GNAS: variants seen among roughly 807,000 people sequenced by gnomAD.
GNAS encodes the protein protein ALEX.
In GNAS, 8 loss-of-function variants were observed where a neutral mutation model predicts 54.5. That is an observed-to-expected ratio of 0.15 (90% CI 0.09 to 0.26). The LOEUF (loss-of-function observed/expected upper bound fraction) is 0.26, where lower values mean the gene tolerates loss of function less well. Ranked by LOEUF, GNAS falls within the 10% of genes least tolerant of loss-of-function variation. The probability of loss-of-function intolerance (pLI) is 1.00; values close to 1 mark genes in which losing one functional copy is unlikely to be tolerated. For missense variants in GNAS, 170 were observed against 529.8 expected, an observed-to-expected ratio of 0.32 and a Z score of 6.67; for synonymous variants, 204 against 191.4, an observed-to-expected ratio of 1.07 and a Z score of -0.54.
At chr20:58,858,306 C>A (rs2086599713) in intron 1 of GNAS, among the ~76,000 whole-genome samples, 1 of 152,050 alleles carries the variant, frequency 6.6e-6, no homozygotes, top group Non-Finnish European at 1.5e-5. Flanking sequence ...TGTTCATGTG[C>A]TTATCCTTTC....
Position 58,853,676 on chromosome 20 carries a change from A to T in GNAS, c.43+12790A>T. ...CAGGCCTTGAGGCCTTCGGCCCAGCACTCATGGAGCCCGGAGCCTTCAGTG... is the reference window on the plus strand; with the variant it reads ...CAGGCCTTGAGGCCTTCGGCCCAGCTCTCATGGAGCCCGGAGCCTTCAGTG... On this transcript the variant is annotated intron_variant, in intron 1 of 12. Transcript: ENST00000306090. The surrounding 1 kb of genome is among the most constrained non-coding windows in gnomAD (Gnocchi z 4.4). 1 of 1,613,636 alleles carries T rather than the reference A, an allele frequency of 6.2e-7. No individual in the cohort carries two copies. Among genetic ancestry groups the T allele is most frequent in the Non-Finnish European group, 8.5e-7 (1 of 1,179,830 alleles).
intron 1 of GNAS, chr20:58,842,249 T>TA (rs1310466287): frequency 1.8e-5 from 7 of 398,262 alleles, no homozygotes; most frequent in Non-Finnish European, 3.1e-5. Context: ...GAAATGTCTT[T>TA]AAAAAATCTC....
chr20:58,885,423 G>A (rs1284707713), intron 1 of GNAS, among the ~76,000 whole-genome samples: 1 of 152,226 alleles, frequency 6.6e-6, no homozygotes, highest in African/African-American at 2.4e-5. Context: ...TTGAATTAGA[G>A]TATGTTCTGA....
At position 58,898,983 on chromosome 20, in the gene GNAS, T is replaced by C; in HGVS notation, c.255T>C (p.Asp85=). Reference sequence around the variant, plus strand: ...CGCAGGCTGCAAGGAGCAACAGCGATGGGTAGGCACATTCAAAACCAGAAA... The same window carrying C: ...CGCAGGCTGCAAGGAGCAACAGCGACGGGTAGGCACATTCAAAACCAGAAA... ...EDPQAARSNS[D]GEKATKVQDI... Residue 85 remains aspartate (D), a splice_region_variant and synonymous_variant, in exon 3 of 13, where the codon GAT becomes GAC. Transcript: ENST00000371085. 1 of 1,612,326 alleles carries C rather than the reference T, an allele frequency of 6.2e-7. No homozygotes were observed. Among genetic ancestry groups the C allele is most frequent in the Non-Finnish European group, 8.5e-7 (1 of 1,178,384 alleles).
chr20:58,898,523 C>T (rs6128458), intron 2 of GNAS: 1 of 201,224 alleles, frequency 5.0e-6, no homozygotes, highest in African/African-American at 2.3e-5. Context: ...GCCTTTATGC[C>T]TTAAGTTACA....
At chr20:58,843,060 T>A (rs1268834461) in intron 1 of GNAS, among the ~76,000 whole-genome samples, 1 of 152,184 alleles carries the variant, frequency 6.6e-6, no homozygotes, top group African/African-American at 2.4e-5. Flanking sequence ...TGTTCACATG[T>A]AGCGAGGAGG....
At chr20:58,844,855 G>T (rs117588164) in intron 1 of GNAS, among the ~76,000 whole-genome samples, 107 of 151,880 alleles carry the variant, frequency 7.0e-4, no homozygotes, top group Middle Eastern at 3.4e-3. Context: ...AACAAAAAAA[G>T]CACCAGCTAG....
chr20:58,886,370 T>G (rs1224436721), upstream of GNAS, among the ~76,000 whole-genome samples: 1 of 152,222 alleles, frequency 6.6e-6, no homozygotes, highest in African/African-American at 2.4e-5. Context: ...GGCTTGGGCA[T>G]GAAGCAAGTC....
At chr20:58,900,265 T>C (rs1292401571) in intron 3 of GNAS, 4 of 473,346 alleles carry the variant, frequency 8.5e-6, no homozygotes, top group Non-Finnish European at 7.6e-6. Flanking sequence ...AAGTCCTTAG[T>C]GAGCAACCTA....
chr20:58,840,736 CA>C (rs747919997), upstream of GNAS: 1 of 1,605,074 alleles, frequency 6.2e-7, no homozygotes, highest in South Asian at 1.1e-5. This position sits in a 1 kb window ranked among gnomAD's most constrained non-coding sequence, Gnocchi z 6.0. Context: ...CGAAGGAGCC[CA>C]AGGAGGAGAA....
chr20:58,897,494 A>G (rs764093588), intron 2 of GNAS: 1 of 152,224 alleles, frequency 6.6e-6, no homozygotes, highest in Non-Finnish European at 1.5e-5. Context: ...GCCACTGTTT[A>G]CCTTAGCTTG....
At chr20:58,840,016 T>A, upstream of GNAS, 2 of 1,458,478 alleles carry the variant, frequency 1.4e-6, no homozygotes, top group Non-Finnish European at 1.9e-6. This position sits in a 1 kb window ranked among gnomAD's most constrained non-coding sequence, Gnocchi z 6.0. Context: ...TCATAGGGTG[T>A]ACCTTTCCCG....
Position 58,854,542 on chromosome 20 carries a change from C to G in GNAS, c.43+13656C>G. 6.3e-7 allele frequency: 1 copy of G among 1,577,200 alleles called. No individual in the cohort carries two copies. On this transcript the variant is annotated intron_variant, in intron 1 of 12. Transcript: ENST00000306090. Reference sequence around the variant, plus strand: ...GCCGATCCTGACTCCGGGGCATTCGCAGCCGATCCCGACTCCGGGGCAGCC... The same window carrying G: ...GCCGATCCTGACTCCGGGGCATTCGGAGCCGATCCCGACTCCGGGGCAGCC...
intron 1 of GNAS, among the ~76,000 whole-genome samples, chr20:58,877,544 A>T (rs1322992330): frequency 2.0e-5 from 3 of 152,196 alleles, no homozygotes; most frequent in Non-Finnish European, 4.4e-5. Context: ...CTTTAAAGTC[A>T]GGTGCTAAGT....
upstream of GNAS, chr20:58,840,426 T>G (rs756880829): frequency 3.7e-6 from 6 of 1,613,452 alleles, no homozygotes; most frequent in East Asian, 1.3e-4. The surrounding 1 kb of genome is among the most constrained non-coding windows in gnomAD (Gnocchi z 6.0). Context: ...GAGGAAGAGT[T>G]CGACTACGAG....
At position 58,891,871 on chromosome 20, in the gene GNAS, G is replaced by A; in HGVS notation, c.139+6G>A. The A allele has an allele frequency of 1.7e-6, 2 of 1,180,910 alleles. No individual in the cohort carries two copies. Among genetic ancestry groups the A allele is most frequent in the Non-Finnish European group, 2.2e-6 (2 of 920,650 alleles). The allele number at this position is 1,180,910 out of a possible 1,614,324, so 73.2% of individuals were successfully genotyped here. The stretch of plus-strand genomic sequence containing the variant: ...GCACCGCCTGCTGCTGCTGGGTAAG[G>A]GCGGGCGGGGGGCGCCGGCCCCGGC... On this transcript the variant is annotated splice_donor_region_variant and intron_variant, in intron 1 of 12. Transcript: ENST00000371085.
intron 1 of GNAS, among the ~76,000 whole-genome samples, chr20:58,867,057 G>A (rs1024376016): frequency 6.6e-6 from 1 of 152,192 alleles, no homozygotes; most frequent in African/African-American, 2.4e-5. Context: ...GTTCAGCTAA[G>A]CAAAGTGTCC....
At chr20:58,900,626 C>T (rs765824883) in intron 3 of GNAS, among the ~76,000 whole-genome samples, 5 of 152,164 alleles carry the variant, frequency 3.3e-5, no homozygotes, top group Non-Finnish European at 5.9e-5. Flanking sequence ...GTACTTCCAG[C>T]CTTAGTCCCA....
intron 1 of GNAS, among the ~76,000 whole-genome samples, chr20:58,851,120 G>A (rs1035404541): frequency 3.3e-5 from 5 of 152,236 alleles, no homozygotes; most frequent in African/African-American, 2.4e-5. Flanking sequence ...TCAAAGTTCA[G>A]TGTTGACATC....
Sources: allele counts gnomAD v4.1 joint callset (sites outside exome capture counted in the v4.1 genomes callset), GRCh38; gene constraint gnomAD v4.1.1; non-coding constraint Gnocchi (gnomAD v3.1); transcripts MANE v1.5; gene names NCBI Gene and HGNC (gene_info 2026-07-23, HGNC 2026-07-21).